NBAS: variants seen among roughly 807,000 people sequenced by gnomAD.
NBAS encodes NBAS subunit of NRZ tethering complex, also known as NAG/BC035112 fusion.
In NBAS, 219 loss-of-function variants were observed where a neutral mutation model predicts 302.5. The observed-to-expected ratio is 0.72, with a 90% confidence interval of 0.65 to 0.81. The LOEUF (loss-of-function observed/expected upper bound fraction) is 0.81. NBAS is among the 30% of genes least tolerant of loss of function. The pLI is 0.00. For missense variants in NBAS, 2,932 were observed against 2,841.6 expected (o/e 1.03, Z -0.72); for synonymous variants, 1,118 against 1,021.6 (o/e 1.09, Z -1.80).
the NBAS span, among the ~76,000 whole-genome samples, chr2:15,089,377 C>A: frequency 6.6e-6 from 1 of 152,142 alleles, no homozygotes; most frequent in Non-Finnish European, 1.5e-5. Flanking sequence ...ACCCCAAAAT[C>A]ATGAAATCTG....
chr2:14,839,147 G>C, the NBAS span, among the ~76,000 whole-genome samples: 2 of 151,706 alleles, frequency 1.3e-5, no homozygotes, highest in Non-Finnish European at 2.9e-5. Flanking sequence ...CAATAACCCA[G>C]AAATCTAATA....
At chr2:15,247,035 C>T (rs1668124082) in intron 44 of NBAS, among the ~76,000 whole-genome samples, 2 of 152,098 alleles carry the variant, frequency 1.3e-5, no homozygotes, top group African/African-American at 4.8e-5. Context: ...CAAGGAGAGT[C>T]CTCAAGAGTG....
At chr2:15,222,368 T>C (rs1300030329) in intron 47 of NBAS, among the ~76,000 whole-genome samples, 8 of 152,154 alleles carry the variant, frequency 5.3e-5, no homozygotes, top group African/African-American at 1.9e-4. Flanking sequence ...AAAATGAAGC[T>C]GATTTTTTGG....
intron 50 of NBAS, chr2:15,179,412 T>C: frequency 2.9e-6 from 1 of 350,582 alleles, no homozygotes. Context: ...TCCTAAACTC[T>C]CACAGCCCTA....
At chr2:14,802,100 G>A in the NBAS span, among the ~76,000 whole-genome samples, 2 of 144,088 alleles carry the variant, frequency 1.4e-5, no homozygotes, top group East Asian at 4.0e-4. Context: ...CCTTGCCCAT[G>A]CCTATGTCCT....
chr2:15,033,984 G>GAAGAAGAA, the NBAS span, among the ~76,000 whole-genome samples: 1 of 56,292 alleles, frequency 1.8e-5, no homozygotes, highest in Non-Finnish European at 2.9e-5. Flanking sequence ...AAGAGGAAGA[G>GAAGAAGAA]GAAGAAGAAG....
At chr2:15,512,692 C>G (rs1295725317) in intron 9 of NBAS, among the ~76,000 whole-genome samples, 1 of 152,030 alleles carries the variant, frequency 6.6e-6, no homozygotes, top group Non-Finnish European at 1.5e-5. Context: ...GGGCCACAAG[C>G]CAAGGAATCT....
the NBAS span, among the ~76,000 whole-genome samples, chr2:15,044,966 T>C: frequency 6.6e-6 from 1 of 152,228 alleles, no homozygotes; most frequent in African/African-American, 2.4e-5. Flanking sequence ...CGAAATGTCA[T>C]ATGCTAATAG....
the NBAS span, among the ~76,000 whole-genome samples, chr2:14,899,754 T>TC: frequency 5.9e-4 from 86 of 145,500 alleles, no homozygotes; most frequent in East Asian, 0.015. Flanking sequence ...TTTTTTTTTT[T>TC]CCCAGCCTCA....
chr2:15,319,877 T>C (rs779290821), intron 38 of NBAS, among the ~76,000 whole-genome samples: 13 of 152,090 alleles, frequency 8.5e-5, no homozygotes, highest in South Asian at 2.1e-4. Context: ...AGAGGGAATC[T>C]TCCCTAACTC....
At chr2:15,402,397 C>T in intron 25 of NBAS, 96 bp from the exon 26 acceptor site, 5 of 1,156,824 alleles carry the variant, frequency 4.3e-6, no homozygotes, top group Non-Finnish European at 6.4e-6. Flanking sequence ...TTAAATAGCA[C>T]AATTAATCAA....
At chr2:15,326,884 T>A (rs989663557) in intron 38 of NBAS, among the ~76,000 whole-genome samples, 3 of 152,098 alleles carry the variant, frequency 2.0e-5, no homozygotes, top group Non-Finnish European at 2.9e-5. Flanking sequence ...GAGTACTGAT[T>A]GATAGAAAAA....
At chr2:15,043,176 G>A in the NBAS span, among the ~76,000 whole-genome samples, 2 of 152,154 alleles carry the variant, frequency 1.3e-5, no homozygotes, top group Non-Finnish European at 2.9e-5. Flanking sequence ...AGGAGGCAGA[G>A]TAGGAGTCAC....
chr2:15,412,772 G>A (rs942473000), intron 25 of NBAS, among the ~76,000 whole-genome samples: 1 of 152,148 alleles, frequency 6.6e-6, no homozygotes, highest in African/African-American at 2.4e-5. Context: ...GCTGGGGAGA[G>A]CCATGAAGGG....
the NBAS span, among the ~76,000 whole-genome samples, chr2:14,784,993 A>C: frequency 1.4e-4 from 22 of 151,930 alleles, no homozygotes; most frequent in Admixed American, 6.6e-4. Flanking sequence ...CTTTTATTTC[A>C]TTGAGCAGTG....
chr2:15,184,097 G>A (rs568990046), intron 50 of NBAS, among the ~76,000 whole-genome samples: 60 of 152,242 alleles, frequency 3.9e-4, no homozygotes, highest in African/African-American at 1.0e-3. Flanking sequence ...AAAAGAACAC[G>A]CTATTCTTCT....
chr2:15,372,290 G>A (rs1674524543), intron 31 of NBAS, among the ~76,000 whole-genome samples: 1 of 152,060 alleles, frequency 6.6e-6, no homozygotes, highest in Non-Finnish European at 1.5e-5. Context: ...ATATTTCACA[G>A]AAGACTCACA....
chr2:14,965,200 A>G, the NBAS span, among the ~76,000 whole-genome samples: 1 of 152,148 alleles, frequency 6.6e-6, no homozygotes, highest in South Asian at 2.1e-4. Context: ...GAAATTGATA[A>G]AATAGAAAAC....
At chr2:14,990,014 T>A in the NBAS span, among the ~76,000 whole-genome samples, 6 of 152,194 alleles carry the variant, frequency 3.9e-5, no homozygotes, top group Admixed American at 2.6e-4. Flanking sequence ...CATTTATATT[T>A]GGGTAACAAG....
Sources: gnomAD v4.1 joint callset for allele counts (sites outside exome capture counted in the v4.1 genomes callset) on GRCh38, gnomAD v4.1.1 for gene constraint, MANE v1.5 for transcripts, NCBI Gene and HGNC (gene_info 2026-07-23, HGNC 2026-07-21) for gene names.